Variants in CHCHD3 observed in about 807,000 individuals in gnomAD.
CHCHD3 encodes coiled-coil-helix-coiled-coil-helix domain containing 3.
CHCHD3 carries 20 observed loss-of-function variants against 38.2 expected under a neutral mutation model. The ratio of observed to expected loss-of-function variants is 0.52; its 90% CI spans 0.37 to 0.76. CHCHD3 has a LOEUF of 0.76. CHCHD3 is among the 30% of genes least tolerant of loss of function. The pLI is 0.00. For synonymous variants in CHCHD3, 82 were observed against 100.0 expected, an observed-to-expected ratio of 0.82 and a Z score of 1.07; for missense variants, 245 against 279.2, an observed-to-expected ratio of 0.88 and a Z score of 0.87.
At chr7:132,976,932 T>G (rs1811782266) in intron 3 of CHCHD3, among the ~76,000 whole-genome samples, 1 of 151,962 alleles carries the variant, frequency 6.6e-6, no homozygotes, top group Admixed American at 6.6e-5. Context: ...TTTTGTGTCT[T>G]AAATAAAAAA....
At position 132,986,541 on chromosome 7, in the gene CHCHD3, T is replaced by C. The variant is rs545115253; in HGVS notation, c.252-11255A>G. Among the ~76,000 whole-genome samples the C allele has an allele frequency of 3.3e-5, 5 of 152,224 alleles. No homozygotes were observed. The East Asian group carries it at 5.8e-4, about 18-fold the overall frequency. On this transcript the variant is annotated intron_variant, in intron 3 of 7. Transcript: ENST00000262570. The stretch of plus-strand genomic sequence containing the variant: ...GAAAAGTCAAGTCTCCATTATGTGA[T>C]AGATTAAAGGCGAATTTAATACCAG...
chr7:132,924,943 A>G (rs1425722220), intron 4 of CHCHD3, among the ~76,000 whole-genome samples: 1 of 152,198 alleles, frequency 6.6e-6, no homozygotes, highest in African/African-American at 2.4e-5. Flanking sequence ...AGAACTGAAA[A>G]GAACTGCTGA....
chr7:132,886,353 T>C (rs1429657247), intron 4 of CHCHD3, among the ~76,000 whole-genome samples: 1 of 152,002 alleles, frequency 6.6e-6, no homozygotes, highest in Non-Finnish European at 1.5e-5. Context: ...ACTTTCAATT[T>C]ACAAGATTTT....
At chr7:133,017,490 T>A (rs1355019736) in intron 3 of CHCHD3, among the ~76,000 whole-genome samples, 1 of 152,208 alleles carries the variant, frequency 6.6e-6, no homozygotes, top group Non-Finnish European at 1.5e-5. Flanking sequence ...TACAGCTATA[T>A]AACACTGAGA....
intron 4 of CHCHD3, among the ~76,000 whole-genome samples, chr7:132,943,221 A>G (rs1383386085): frequency 6.6e-6 from 1 of 152,208 alleles, no homozygotes; most frequent in Non-Finnish European, 1.5e-5. Context: ...TAAAATGCTT[A>G]ATGAAAAGAG....
chr7:132,901,997 A>G (rs1809682063), intron 4 of CHCHD3, among the ~76,000 whole-genome samples: 1 of 152,092 alleles, frequency 6.6e-6, no homozygotes, highest in African/African-American at 2.4e-5. Context: ...ATCTTGAATT[A>G]ATTTTTGTAT....
At chr7:132,948,325 A>T (rs1024454529) in intron 4 of CHCHD3, among the ~76,000 whole-genome samples, 13 of 152,008 alleles carry the variant, frequency 8.6e-5, no homozygotes, top group African/African-American at 3.1e-4. Context: ...GGTCAAAGAG[A>T]TGTGCTTTTT....
At chr7:132,929,499 G>A (rs1386932498) in intron 4 of CHCHD3, among the ~76,000 whole-genome samples, 2 of 152,142 alleles carry the variant, frequency 1.3e-5, no homozygotes, top group Non-Finnish European at 2.9e-5. Flanking sequence ...CATTCCCAGA[G>A]CTTCATCTCT....
intron 7 of CHCHD3, among the ~76,000 whole-genome samples, chr7:132,793,855 T>C (rs983225908): frequency 2.6e-5 from 4 of 152,140 alleles, no homozygotes; most frequent in Non-Finnish European, 5.9e-5. Flanking sequence ...AAGAAGAAAA[T>C]GTAAGAAGTT....
At chr7:133,065,078 G>A (rs1222213215) in intron 2 of CHCHD3, among the ~76,000 whole-genome samples, 3 of 152,128 alleles carry the variant, frequency 2.0e-5, no homozygotes, top group African/African-American at 7.2e-5. Context: ...TATATGCAAT[G>A]ACATCTCCTT....
intron 4 of CHCHD3, among the ~76,000 whole-genome samples, chr7:132,923,344 G>A (rs538599337): frequency 6.6e-6 from 1 of 152,238 alleles, no homozygotes; most frequent in Admixed American, 6.5e-5. Flanking sequence ...TCTATTTATA[G>A]ACAGACAGAT....
chr7:132,978,814 G>A (rs1190311233), intron 3 of CHCHD3, among the ~76,000 whole-genome samples: 3 of 151,922 alleles, frequency 2.0e-5, no homozygotes, highest in Non-Finnish European at 2.9e-5. Flanking sequence ...GATTGGCAGT[G>A]GTGCAAACTG....
In CHCHD3 at chr7:132,838,386, A is replaced by G. The variant is rs760098081; in HGVS notation, c.524+13T>C. On this transcript the variant is annotated intron_variant, in intron 6 of 7. Transcript: ENST00000262570. ...AAGAATAGTAAATAATTATAATACTATTAAAAACTTACTTGAACTTTGCTT... is the reference window on the plus strand; with the variant it reads ...AAGAATAGTAAATAATTATAATACTGTTAAAAACTTACTTGAACTTTGCTT... The G allele has an allele frequency of 6.4e-7, 1 of 1,564,990 alleles. No homozygotes were observed. Among genetic ancestry groups the G allele is most frequent in the Non-Finnish European group, 8.8e-7 (1 of 1,137,230 alleles).
At chr7:132,836,189 C>T (rs1249762793) in intron 6 of CHCHD3, among the ~76,000 whole-genome samples, 1 of 152,122 alleles carries the variant, frequency 6.6e-6, no homozygotes, top group Admixed American at 6.5e-5. Flanking sequence ...TCTCAGCTCA[C>T]TGCAACCTTT....
At position 133,079,560 on chromosome 7, in the gene CHCHD3, T is replaced by C. The variant is rs1336485760; in HGVS notation, c.81+2297A>G. On this transcript the variant is annotated intron_variant, in intron 1 of 7. Coordinates refer to ENST00000262570, the MANE Select transcript of CHCHD3 (RefSeq NM_017812.4). ...AATGTGCCAGGTGCTTTACATACCT[T>C]ACCTCATCTTCTTACAATAACCAAT... 2.6e-5 allele frequency among the ~76,000 whole-genome samples: 4 copies of C among 152,232 alleles called. No homozygotes were observed. In the East Asian group the frequency reaches 7.7e-4, roughly 29 times the overall value.
intron 7 of CHCHD3, among the ~76,000 whole-genome samples, chr7:132,785,900 G>A (rs1333144515): frequency 2.0e-5 from 3 of 152,104 alleles, no homozygotes; most frequent in Non-Finnish European, 4.4e-5. Flanking sequence ...CAACAAGGCC[G>A]GGCGCAGTAG....
rs140887127 is a variant in CHCHD3 at position 133,024,636 on chromosome 7, G to A, written c.170-9C>T. 3.9e-5 allele frequency: 63 copies of A among 1,595,180 alleles called. No homozygotes were observed. In the East Asian group the frequency reaches 1.3e-3, roughly 32 times the overall value. On this transcript the variant is annotated splice_polypyrimidine_tract_variant and intron_variant, in intron 2 of 7. Transcript: ENST00000262570. ...CAATTCTTCATCAGAAACTAGAATC[G>A]ATAAAGAGCAGAAGGAGATAAAATA...
At chr7:132,931,418 C>CT (rs1316332539) in intron 4 of CHCHD3, among the ~76,000 whole-genome samples, 1 of 152,160 alleles carries the variant, frequency 6.6e-6, no homozygotes, top group Non-Finnish European at 1.5e-5. Flanking sequence ...TGATGAAGTA[C>CT]TTTTCTACAG....
chr7:132,983,848 A>C (rs1811986751), intron 3 of CHCHD3, among the ~76,000 whole-genome samples: 1 of 152,230 alleles, frequency 6.6e-6, no homozygotes, highest in African/African-American at 2.4e-5. Context: ...TGTTGTAGAA[A>C]AAGAAAAGAA....
Sources: allele counts gnomAD v4.1 joint callset (sites outside exome capture counted in the v4.1 genomes callset), GRCh38; gene constraint gnomAD v4.1.1; transcripts MANE v1.5; gene names NCBI Gene and HGNC (gene_info 2026-07-23, HGNC 2026-07-21).